ARHGAP24: variants seen among roughly 807,000 people sequenced by gnomAD.
ARHGAP24 encodes rho GTPase-activating protein 24.
Under a neutral mutation model 76.4 loss-of-function variants are expected in ARHGAP24, and 50 were observed. That is an observed-to-expected ratio of 0.65 (90% CI 0.52 to 0.83). ARHGAP24 has a LOEUF of 0.83. Among genes scored for constraint, ARHGAP24 ranks in the 40% least tolerant of loss-of-function variants. ARHGAP24 has a pLI of 0.00. For synonymous variants in ARHGAP24, 345 were observed against 323.3 expected, an observed-to-expected ratio of 1.07 and a Z score of -0.72; for missense variants, 930 against 914.2, an observed-to-expected ratio of 1.02 and a Z score of -0.22.
chr4:85,702,771 G>A (rs972143860), intron 2 of ARHGAP24, among the ~76,000 whole-genome samples: 5 of 152,114 alleles, frequency 3.3e-5, no homozygotes, highest in African/African-American at 7.2e-5. Context: ...AGATTTAAAT[G>A]CATGTTTAAT....
At chr4:85,948,775 C>A (rs1398142276) in intron 5 of ARHGAP24, among the ~76,000 whole-genome samples, 3 of 152,176 alleles carry the variant, frequency 2.0e-5, no homozygotes, top group Non-Finnish European at 4.4e-5. Context: ...GAGTGGTATA[C>A]TCATACCCAT....
intron 8 of ARHGAP24, among the ~76,000 whole-genome samples, chr4:85,979,576 CTTG>C (rs1320278013): frequency 1.3e-5 from 2 of 152,078 alleles, no homozygotes; most frequent in African/African-American, 2.4e-5. Context: ...ACCTGTTATA[CTTG>C]TTGTGACTGG....
intron 1 of ARHGAP24, among the ~76,000 whole-genome samples, chr4:85,551,013 A>AG (rs55724286): frequency 2.6e-5 from 4 of 152,062 alleles, no homozygotes; most frequent in Non-Finnish European, 5.9e-5. Flanking sequence ...CTATCTAGAT[A>AG]TTTTATTTCT....
intron 4 of ARHGAP24, among the ~76,000 whole-genome samples, chr4:85,926,833 G>A (rs78430899): frequency 0.015 from 2,265 of 152,202 alleles, 61 homozygotes; most frequent in African/African-American, 0.051. Flanking sequence ...ACTGTGAGAA[G>A]CAGAAGTAAG....
intron 2 of ARHGAP24, among the ~76,000 whole-genome samples, chr4:85,704,722 C>G (rs80275619): frequency 1.3e-5 from 2 of 152,094 alleles, no homozygotes; most frequent in African/African-American, 4.8e-5. Flanking sequence ...AAGGAAACTC[C>G]GAGGACAGGT....
chr4:85,788,202 A>T (rs895847199), intron 3 of ARHGAP24, among the ~76,000 whole-genome samples: 1 of 152,188 alleles, frequency 6.6e-6, no homozygotes, highest in Non-Finnish European at 1.5e-5. Flanking sequence ...CCCACCCAGG[A>T]CATGTAACTC....
At chr4:85,876,678 T>C (rs767381185) in intron 3 of ARHGAP24, among the ~76,000 whole-genome samples, 132 of 152,308 alleles carry the variant, frequency 8.7e-4, no homozygotes, top group Non-Finnish European at 1.7e-3. Flanking sequence ...AAAATCAAGA[T>C]ATGATATTTT....
intron 1 of ARHGAP24, among the ~76,000 whole-genome samples, chr4:85,504,656 G>A (rs1294827837): frequency 6.6e-6 from 1 of 152,104 alleles, no homozygotes; most frequent in Non-Finnish European, 1.5e-5. Context: ...ACACTGATGG[G>A]TCTTGACTCT....
At chr4:85,823,732 T>C (rs1729579815) in intron 3 of ARHGAP24, among the ~76,000 whole-genome samples, 1 of 152,162 alleles carries the variant, frequency 6.6e-6, no homozygotes, top group East Asian at 1.9e-4. Context: ...TGACCTTGTT[T>C]GTACATCTTA....
At chr4:85,601,352 T>C (rs749861452) in intron 2 of ARHGAP24, among the ~76,000 whole-genome samples, 2 of 152,220 alleles carry the variant, frequency 1.3e-5, no homozygotes, top group Non-Finnish European at 2.9e-5. Flanking sequence ...TCAAAAGCTG[T>C]TTAGTAGAGA....
intron 1 of ARHGAP24, among the ~76,000 whole-genome samples, chr4:85,509,057 C>T (rs1473946362): frequency 2.6e-5 from 4 of 151,876 alleles, no homozygotes. Context: ...GGATTTACCA[C>T]TTATAAAATT....
chr4:85,732,786 C>T (rs1163551299), intron 3 of ARHGAP24, among the ~76,000 whole-genome samples: 4 of 151,198 alleles, frequency 2.6e-5, no homozygotes, highest in African/African-American at 4.8e-5. Context: ...CTCCACCTCC[C>T]GGGTTCAAGC....
chr4:85,721,449 A>T (rs2110042974), intron 2 of ARHGAP24, among the ~76,000 whole-genome samples: 1 of 152,102 alleles, frequency 6.6e-6, no homozygotes, highest in South Asian at 2.1e-4. Flanking sequence ...GGAAAGAAAG[A>T]GAAGAGAGAA....
intron 3 of ARHGAP24, among the ~76,000 whole-genome samples, chr4:85,917,374 C>T (rs1212326978): frequency 5.3e-5 from 8 of 151,780 alleles, no homozygotes; most frequent in South Asian, 2.1e-4. Context: ...AATAAACATA[C>T]GTGTGCATGT....
At chr4:85,921,489 G>C (rs985560589) in intron 3 of ARHGAP24, among the ~76,000 whole-genome samples, 2 of 152,014 alleles carry the variant, frequency 1.3e-5, no homozygotes, top group African/African-American at 4.8e-5. Flanking sequence ...CATGACACAA[G>C]TTTATCTGTA....
At chr4:85,930,180 G>A in intron 4 of ARHGAP24, 1 of 898,856 alleles carries the variant, frequency 1.1e-6, no homozygotes, top group Non-Finnish European at 1.3e-6. Flanking sequence ...AGGAGGAGGG[G>A]GAGGAGATGC....
chr4:85,978,506 A>C (rs150329963), intron 8 of ARHGAP24, among the ~76,000 whole-genome samples: 158 of 152,248 alleles, frequency 1.0e-3, no homozygotes, highest in African/African-American at 3.5e-3. Context: ...CCTTTGTTAA[A>C]CACCAAGGGC....
intron 3 of ARHGAP24, among the ~76,000 whole-genome samples, chr4:85,807,899 G>C (rs1475137692): frequency 6.6e-6 from 1 of 152,116 alleles, no homozygotes; most frequent in Admixed American, 6.5e-5. Context: ...CAGCAACTTT[G>C]CTCTGTATCC....
intron 1 of ARHGAP24, among the ~76,000 whole-genome samples, chr4:85,555,260 T>C (rs1726310840): frequency 6.6e-6 from 1 of 152,198 alleles, no homozygotes; most frequent in Non-Finnish European, 1.5e-5. Context: ...GGTGATTCAA[T>C]GCAGCTGCCA....
Sources: allele counts gnomAD v4.1 joint callset (sites outside exome capture counted in the v4.1 genomes callset), GRCh38; gene constraint gnomAD v4.1.1; transcripts MANE v1.5; gene names NCBI Gene and HGNC (gene_info 2026-07-23, HGNC 2026-07-21).